APP: variants seen among roughly 807,000 people sequenced by gnomAD.
APP encodes amyloid beta precursor protein.
Under a neutral mutation model 101.4 loss-of-function variants are expected in APP, and 31 were observed. That is an observed-to-expected ratio of 0.31 (90% CI 0.23 to 0.41). The LOEUF (loss-of-function observed/expected upper bound fraction) is 0.41. Among genes scored for constraint, APP ranks in the 10% least tolerant of loss-of-function variants. The pLI is 1.00. For missense variants in APP, 839 were observed against 1,003.7 expected, an observed-to-expected ratio of 0.84 and a Z score of 2.22; for synonymous variants, 366 against 364.4, an observed-to-expected ratio of 1.00 and a Z score of -0.05.
intron 1 of APP, among the ~76,000 whole-genome samples, chr21:26,128,085 T>G (rs1352344317): frequency 6.6e-6 from 1 of 152,196 alleles, no homozygotes; most frequent in Non-Finnish European, 1.5e-5. Context: ...TCTTATGCCA[T>G]TTAAAATAGA....
intron 3 of APP, among the ~76,000 whole-genome samples, chr21:26,089,253 A>G (rs910500830): frequency 2.0e-5 from 3 of 152,226 alleles, no homozygotes; most frequent in Admixed American, 1.3e-4. Context: ...AACTAGGAAC[A>G]GACTAATAAC....
At chr21:26,012,582 T>C (rs2043856779) in intron 6 of APP, among the ~76,000 whole-genome samples, 2 of 152,216 alleles carry the variant, frequency 1.3e-5, no homozygotes, top group South Asian at 2.1e-4. Context: ...TGGAAACTCA[T>C]TGTTCTGCAA....
chr21:26,053,360 GA>G lies in APP; in HGVS notation c.356-13del. On this transcript the variant is annotated splice_polypyrimidine_tract_variant and intron_variant, in intron 3 of 17. Transcript: ENST00000346798. ...TACAAACTCACCAACTGAAAGAAAG[GA>G]AAACCACTTCCCGTCATTCCATCTG... The G allele has an allele frequency of 1.3e-6, 2 of 1,541,646 alleles. No individual in the cohort carries two copies. Among genetic ancestry groups the G allele is most frequent in the Non-Finnish European group, 1.8e-6 (2 of 1,114,060 alleles).
intron 1 of APP, among the ~76,000 whole-genome samples, chr21:26,147,336 A>C (rs2063174322): frequency 6.6e-6 from 1 of 152,208 alleles, no homozygotes; most frequent in African/African-American, 2.4e-5. Context: ...TGCTGATAGC[A>C]TATAATGTTA....
At chr21:26,162,014 A>G (rs2146380635) in intron 1 of APP, among the ~76,000 whole-genome samples, 1 of 152,344 alleles carries the variant, frequency 6.6e-6, no homozygotes, top group Non-Finnish European at 1.5e-5. Flanking sequence ...TAAACAAAAT[A>G]ACTGAGTAAT....
At chr21:26,163,995 G>A (rs566102783) in intron 1 of APP, among the ~76,000 whole-genome samples, 3 of 151,994 alleles carry the variant, frequency 2.0e-5, no homozygotes, top group East Asian at 1.9e-4. Context: ...GCCTGTAATC[G>A]CAGCACTTTG....
intron 5 of APP, among the ~76,000 whole-genome samples, chr21:26,035,892 T>C (rs1437242424): frequency 2.0e-5 from 3 of 152,170 alleles, no homozygotes; most frequent in African/African-American, 4.8e-5. Context: ...GAAGAGACGA[T>C]GATGAGTTCT....
chr21:25,970,368 C>T lies in APP; in HGVS notation c.1458+4702G>A, dbSNP rs184087160. ...GCCCTCAGCTTATTTTTAGTCCCAT[C>T]AATGTCCATTTAGCAAAGATCTTAC... On this transcript the variant is annotated intron_variant, in intron 11 of 17. Transcript: ENST00000346798. 1.4e-3 allele frequency among the ~76,000 whole-genome samples: 217 copies of T among 152,242 alleles called. 1 individual carries two copies. Among genetic ancestry groups the T allele is most frequent in the African/African-American group, 5.0e-3 (206 of 41,550 alleles).
intron 13 of APP, chr21:25,928,694 A>T (rs2040007158): frequency 6.6e-6 from 1 of 152,110 alleles, no homozygotes; most frequent in Non-Finnish European, 1.5e-5. Context: ...TTAATGTGAT[A>T]CAAACTGCAT....
At chr21:26,080,229 C>T (rs1190852572) in intron 3 of APP, among the ~76,000 whole-genome samples, 1 of 152,106 alleles carries the variant, frequency 6.6e-6, no homozygotes, top group African/African-American at 2.4e-5. Flanking sequence ...TCACTTGTAA[C>T]ACTTAATAAT....
At chr21:26,046,829 G>T (rs145335295) in intron 5 of APP, among the ~76,000 whole-genome samples, 1 of 152,160 alleles carries the variant, frequency 6.6e-6, no homozygotes, top group Non-Finnish European at 1.5e-5. Flanking sequence ...TCTGCCTCCA[G>T]GGCTAGGCTG....
chr21:26,062,263 T>C (rs1601361803), intron 3 of APP, among the ~76,000 whole-genome samples: 1 of 136,550 alleles, frequency 7.3e-6, no homozygotes, highest in East Asian at 2.3e-4. Context: ...ACACACAGAA[T>C]AGTGTTTAAC....
intron 5 of APP, among the ~76,000 whole-genome samples, chr21:26,046,266 T>C (rs2045604816): frequency 6.6e-6 from 1 of 151,858 alleles, no homozygotes; most frequent in African/African-American, 2.4e-5. Flanking sequence ...AAAAATTAGC[T>C]GGGTGTGGTG....
intron 3 of APP, among the ~76,000 whole-genome samples, chr21:26,087,117 T>G (rs1475216815): frequency 2.6e-5 from 4 of 152,240 alleles, no homozygotes; most frequent in Non-Finnish European, 1.5e-5. Context: ...CAAGGCATGC[T>G]CTACATACTC....
At chr21:26,093,469 T>C (rs2061870753) in intron 2 of APP, among the ~76,000 whole-genome samples, 1 of 152,182 alleles carries the variant, frequency 6.6e-6, no homozygotes, top group Admixed American at 6.5e-5. Context: ...AACCAACGAA[T>C]TGTTTGTAGG....
At chr21:26,045,220 A>G (rs2045556408) in intron 5 of APP, among the ~76,000 whole-genome samples, 1 of 152,256 alleles carries the variant, frequency 6.6e-6, no homozygotes, top group Admixed American at 6.5e-5. Flanking sequence ...TAAAATTATG[A>G]GCTGTCAATG....
intron 5 of APP, among the ~76,000 whole-genome samples, chr21:26,022,738 C>T (rs2044397685): frequency 6.6e-6 from 1 of 152,182 alleles, no homozygotes; most frequent in South Asian, 2.1e-4. Flanking sequence ...TCATAGTGCA[C>T]ATACAAGAGC....
At chr21:25,978,790 A>G (rs1169922710) in intron 9 of APP, among the ~76,000 whole-genome samples, 1 of 152,118 alleles carries the variant, frequency 6.6e-6, no homozygotes, top group Non-Finnish European at 1.5e-5. Flanking sequence ...TGTCTCTACT[A>G]AAAATACAAA....
chr21:25,905,387 T>A (rs2038737031), intron 14 of APP, among the ~76,000 whole-genome samples: 1 of 152,136 alleles, frequency 6.6e-6, no homozygotes, highest in African/African-American at 2.4e-5. Context: ...CTGAGCTAGT[T>A]TAGAGATAGT....
Sources: gnomAD v4.1 joint callset for allele counts (sites outside exome capture counted in the v4.1 genomes callset) on GRCh38, gnomAD v4.1.1 for gene constraint, MANE v1.5 for transcripts, NCBI Gene and HGNC (gene_info 2026-07-23, HGNC 2026-07-21) for gene names.